PEBP4: variants seen among roughly 807,000 people sequenced by gnomAD.
The protein encoded by PEBP4 is phosphatidylethanolamine binding protein 4.
PEBP4 carries 22 observed loss-of-function variants against 23.9 expected under a neutral mutation model. The ratio of observed to expected loss-of-function variants is 0.92; its 90% CI spans 0.66 to 1.31. The LOEUF (loss-of-function observed/expected upper bound fraction) is 1.31. PEBP4 is among the 40% of genes most tolerant of loss of function. The pLI is 0.00. For synonymous variants in PEBP4, 112 were observed against 99.3 expected (o/e 1.13, Z -0.76); for missense variants, 324 against 281.7 (o/e 1.15, Z -1.07).
chr8:22,793,975 A>C (rs1420366595), intron 4 of PEBP4, among the ~76,000 whole-genome samples: 2 of 152,236 alleles, frequency 1.3e-5, no homozygotes, highest in Non-Finnish European at 2.9e-5. Flanking sequence ...TTAAAAACCA[A>C]AACAAAAGTC....
At chr8:22,874,682 T>A (rs976996736) in intron 3 of PEBP4, among the ~76,000 whole-genome samples, 1 of 152,216 alleles carries the variant, frequency 6.6e-6, no homozygotes, top group African/African-American at 2.4e-5. Context: ...TGTGGCAAAG[T>A]GCGACAATGT....
At chr8:22,745,249 T>G (rs183784534) in intron 4 of PEBP4, among the ~76,000 whole-genome samples, 52 of 152,296 alleles carry the variant, frequency 3.4e-4, no homozygotes, top group Non-Finnish European at 6.2e-4. Flanking sequence ...TCCAGTGCCC[T>G]CTCGACTTAG....
intron 3 of PEBP4, among the ~76,000 whole-genome samples, chr8:22,875,607 CT>C (rs1808103607): frequency 6.6e-6 from 1 of 152,182 alleles, no homozygotes; most frequent in South Asian, 2.1e-4. Flanking sequence ...TGGGACCCCG[CT>C]TCACAGTTAG....
intron 3 of PEBP4, among the ~76,000 whole-genome samples, chr8:22,854,853 C>T (rs1376755939): frequency 6.6e-6 from 1 of 151,984 alleles, no homozygotes; most frequent in Non-Finnish European, 1.5e-5. Flanking sequence ...TTTGCTCCCT[C>T]CCCCTCCCTC....
rs971909687 is a variant in PEBP4 at position 22,713,446 on chromosome 8, G to A, written c.608C>T (p.Ser203Leu). 8 of 1,613,900 alleles carry A rather than the reference G, an allele frequency of 5.0e-6. No homozygotes were observed. The Admixed American group carries it at 1.2e-4, about 24-fold the overall frequency. The change falls in exon 7 of 7, where the codon TCA becomes TTA. Residue 203 changes from serine to leucine, a missense_variant. Coordinates refer to ENST00000256404, the MANE Select transcript of PEBP4 (RefSeq NM_144962.3). ...TTCTCTGGGAGCCTGGAGGGTTGGT[G>A]AGTCCTGGTAGTTCTGGGTCATGAA... ...TQFMTQNYQD[S>L]PTLQAPRERA...
At chr8:22,894,495 T>C (rs1309416103) in intron 3 of PEBP4, among the ~76,000 whole-genome samples, 2 of 152,146 alleles carry the variant, frequency 1.3e-5, no homozygotes, top group Non-Finnish European at 2.9e-5. Context: ...GGTGGGAAGA[T>C]TGCTTGATTC....
At chr8:22,817,980 A>C (rs577406682) in intron 3 of PEBP4, among the ~76,000 whole-genome samples, 37 of 152,314 alleles carry the variant, frequency 2.4e-4, no homozygotes, top group African/African-American at 8.7e-4. Flanking sequence ...TAAATCCAAC[A>C]AGATATACAT....
chr8:22,715,011 T>A (rs763471630), intron 6 of PEBP4, among the ~76,000 whole-genome samples: 1 of 152,260 alleles, frequency 6.6e-6, no homozygotes, highest in Non-Finnish European at 1.5e-5. Context: ...AAGGGAGGAC[T>A]GTTCCCATTC....
intron 3 of PEBP4, among the ~76,000 whole-genome samples, chr8:22,857,912 C>A (rs1807689280): frequency 6.6e-6 from 1 of 152,182 alleles, no homozygotes; most frequent in Non-Finnish European, 1.5e-5. Context: ...TAGGAATTGT[C>A]CGTCACCTGA....
At chr8:22,863,231 C>T (rs1807818269) in intron 3 of PEBP4, among the ~76,000 whole-genome samples, 1 of 152,114 alleles carries the variant, frequency 6.6e-6, no homozygotes, top group African/African-American at 2.4e-5. Context: ...ATTCCTGCTG[C>T]CCCAGTAGAC....
chr8:22,891,349 G>C (rs1236855451), intron 3 of PEBP4, among the ~76,000 whole-genome samples: 1 of 152,154 alleles, frequency 6.6e-6, no homozygotes, highest in Non-Finnish European at 1.5e-5. Context: ...ATGGAACCAG[G>C]CTCCTCCTGC....
chr8:22,888,610 C>T (rs920328041), intron 3 of PEBP4, among the ~76,000 whole-genome samples: 1 of 152,250 alleles, frequency 6.6e-6, no homozygotes, highest in African/African-American at 2.4e-5. Context: ...ACTGGTACCG[C>T]ATCCCCAGAT....
chr8:22,862,536 A>AACAAGGATAGGATAG (rs1170492297), intron 3 of PEBP4, among the ~76,000 whole-genome samples: 4 of 152,144 alleles, frequency 2.6e-5, no homozygotes, highest in African/African-American at 9.7e-5. Context: ...GTACAGTCAT[A>AACAAGGATAGGATAG]ACAAGGATAG....
At chr8:22,802,954 G>T (rs913890119) in intron 4 of PEBP4, among the ~76,000 whole-genome samples, 1 of 152,142 alleles carries the variant, frequency 6.6e-6, no homozygotes, top group African/African-American at 2.4e-5. Flanking sequence ...CTAGAGCAGC[G>T]TCACCAGCTA....
chr8:22,924,976 C>T (rs1255652326), intron 2 of PEBP4: 13 of 985,256 alleles, frequency 1.3e-5, no homozygotes, highest in African/African-American at 1.7e-5. Context: ...CCCTGGTAGA[C>T]CAAATGCCCA....
At chr8:22,718,533 G>A (rs750494570) in intron 6 of PEBP4, among the ~76,000 whole-genome samples, 14 of 152,208 alleles carry the variant, frequency 9.2e-5, no homozygotes, top group Non-Finnish European at 1.9e-4. Flanking sequence ...ATTTCAGGCA[G>A]TTCCCAGCCT....
intron 2 of PEBP4, chr8:22,925,278 G>A: frequency 1.0e-6 from 1 of 985,384 alleles, no homozygotes; most frequent in Non-Finnish European, 1.2e-6. Flanking sequence ...GGGCCTGCTG[G>A]TGTATTCTGG....
intron 4 of PEBP4, among the ~76,000 whole-genome samples, chr8:22,749,821 T>TTC (rs1805212185): frequency 6.8e-6 from 1 of 146,030 alleles, no homozygotes; most frequent in African/African-American, 2.5e-5. Context: ...TTTTTTTTTT[T>TTC]TTGAGATGGA....
intron 4 of PEBP4, among the ~76,000 whole-genome samples, chr8:22,741,037 C>T (rs561977440): frequency 6.6e-6 from 1 of 152,272 alleles, no homozygotes; most frequent in African/African-American, 2.4e-5. Flanking sequence ...TGGGAAGAGA[C>T]AGATGGGATG....
Sources: gnomAD v4.1 joint callset for allele counts (sites outside exome capture counted in the v4.1 genomes callset) on GRCh38, gnomAD v4.1.1 for gene constraint, MANE v1.5 for transcripts, NCBI Gene and HGNC (gene_info 2026-07-23, HGNC 2026-07-21) for gene names.